Variants in ABCA12 observed in about 807,000 individuals in gnomAD.
The protein encoded by ABCA12 is ATP binding cassette subfamily A member 12, also known as glucosylceramide transporter ABCA12.
In ABCA12, 156 loss-of-function variants were observed where a neutral mutation model predicts 293.5. The ratio of observed to expected loss-of-function variants is 0.53; its 90% CI spans 0.47 to 0.61. The LOEUF (loss-of-function observed/expected upper bound fraction) is 0.61. ABCA12 is among the 20% of genes least tolerant of loss of function. ABCA12 has a pLI of 0.00. For missense variants in ABCA12, 2,797 were observed against 3,090.2 expected (o/e 0.91, Z 2.25); for synonymous variants, 1,063 against 1,108.0 (o/e 0.96, Z 0.81).
At chr2:215,094,351 C>T (rs1402312355) in intron 2 of ABCA12, among the ~76,000 whole-genome samples, 1 of 152,182 alleles carries the variant, frequency 6.6e-6, no homozygotes, top group Non-Finnish European at 1.5e-5. Context: ...GATAAGGTAG[C>T]TAAAGAAGCA....
chr2:215,070,330 G>A (rs1701712015), intron 2 of ABCA12, among the ~76,000 whole-genome samples: 1 of 151,958 alleles, frequency 6.6e-6, no homozygotes, highest in Non-Finnish European at 1.5e-5. Context: ...CACCAAGAAA[G>A]GTGTTAAGTA....
intron 9 of ABCA12, among the ~76,000 whole-genome samples, chr2:215,029,959 A>T (rs1346482735): frequency 6.6e-6 from 1 of 152,240 alleles, no homozygotes; most frequent in Non-Finnish European, 1.5e-5. Flanking sequence ...TTCTGAGCCA[A>T]AATAACTTTT....
At chr2:214,941,090 G>A (rs573995492) in intron 50 of ABCA12, among the ~76,000 whole-genome samples, 1 of 152,228 alleles carries the variant, frequency 6.6e-6, no homozygotes, top group African/African-American at 2.4e-5. Flanking sequence ...ATTTTCTCCT[G>A]TGGACATTTT....
intron 1 of ABCA12, among the ~76,000 whole-genome samples, chr2:215,115,983 G>A (rs1408456087): frequency 1.3e-5 from 2 of 152,168 alleles, no homozygotes; most frequent in Non-Finnish European, 2.9e-5. Flanking sequence ...GCAGGTTGAT[G>A]ATAAAAGTAG....
At chr2:214,972,613 G>T (rs1221160180) in intron 36 of ABCA12, among the ~76,000 whole-genome samples, 1 of 152,004 alleles carries the variant, frequency 6.6e-6, no homozygotes, top group Non-Finnish European at 1.5e-5. Flanking sequence ...TCACTGTGTT[G>T]CCCAAGCTGG....
At chr2:214,954,190 A>G in intron 43 of ABCA12, 83 bp from the exon 44 acceptor site, 2 of 1,438,522 alleles carry the variant, frequency 1.4e-6, no homozygotes, top group Admixed American at 1.9e-5. Flanking sequence ...GGATGTAGAC[A>G]AATAGTGAAA....
intron 37 of ABCA12, among the ~76,000 whole-genome samples, chr2:214,969,100 C>A (rs963893306): frequency 3.3e-5 from 5 of 151,956 alleles, no homozygotes; most frequent in African/African-American, 7.2e-5. Flanking sequence ...ACTTAACTGA[C>A]CCATCTACCA....
intron 1 of ABCA12, among the ~76,000 whole-genome samples, chr2:215,135,525 A>C (rs1052890599): frequency 6.6e-6 from 1 of 152,218 alleles, no homozygotes; most frequent in Non-Finnish European, 1.5e-5. Flanking sequence ...TCCTGTGTCC[A>C]TAGCTTAATT....
intron 50 of ABCA12, among the ~76,000 whole-genome samples, chr2:214,938,311 A>C (rs1217917752): frequency 1.3e-5 from 2 of 151,456 alleles, no homozygotes; most frequent in African/African-American, 2.4e-5. Context: ...GCACATATAC[A>C]CCATAGTATT....
intron 23 of ABCA12, among the ~76,000 whole-genome samples, chr2:214,993,452 A>C (rs2105980130): frequency 6.6e-6 from 1 of 152,308 alleles, no homozygotes; most frequent in South Asian, 2.1e-4. Context: ...CATTTGAAAA[A>C]ATTACTGTGT....
At chr2:215,133,027 T>C (rs1703094464) in intron 1 of ABCA12, among the ~76,000 whole-genome samples, 1 of 151,940 alleles carries the variant, frequency 6.6e-6, no homozygotes, top group African/African-American at 2.4e-5. Context: ...TTTTTTCTTC[T>C]TTAAGGAGGC....
At chr2:215,113,194 A>T (rs564302525) in intron 1 of ABCA12, among the ~76,000 whole-genome samples, 3 of 152,120 alleles carry the variant, frequency 2.0e-5, no homozygotes, top group African/African-American at 7.2e-5. Flanking sequence ...CCTAATCTAC[A>T]TTTGCTACTA....
At chr2:215,129,245 T>C (rs915525076) in intron 1 of ABCA12, among the ~76,000 whole-genome samples, 2 of 152,148 alleles carry the variant, frequency 1.3e-5, no homozygotes, top group Non-Finnish European at 2.9e-5. Context: ...ACTTCCACAG[T>C]TGGGGCACTC....
intron 2 of ABCA12, chr2:215,082,474 A>T (rs1219541866): frequency 6.6e-6 from 1 of 152,072 alleles, no homozygotes; most frequent in Non-Finnish European, 1.5e-5. Context: ...AAACTGAATC[A>T]CATTGTTTAT....
intron 11 of ABCA12, chr2:215,020,582 T>G (rs1273401498): frequency 6.6e-6 from 1 of 152,234 alleles, no homozygotes; most frequent in African/African-American, 2.4e-5. Flanking sequence ...TTTTACAAGA[T>G]GAAATGAGTT....
At chr2:215,072,560 T>C (rs1055666846) in intron 2 of ABCA12, among the ~76,000 whole-genome samples, 1 of 152,166 alleles carries the variant, frequency 6.6e-6, no homozygotes, top group Non-Finnish European at 1.5e-5. Context: ...CCTTCCTGCA[T>C]GTCCAGACCA....
intron 3 of ABCA12, among the ~76,000 whole-genome samples, chr2:215,062,684 C>CCGCATGCAA (rs1553539498): frequency 9.9e-5 from 15 of 151,302 alleles, no homozygotes; most frequent in Non-Finnish European, 1.9e-4. Context: ...TGCTGTTTCT[C>CCGCATGCAA]GGCATGCAAC....
At chr2:215,037,612 C>G (rs16853207) in intron 7 of ABCA12, among the ~76,000 whole-genome samples, 5,318 of 152,080 alleles carry the variant, frequency 0.035, 295 homozygotes, top group African/African-American at 0.12. Context: ...AGGCACTATT[C>G]CAGAGGTAGT....
intron 28 of ABCA12, among the ~76,000 whole-genome samples, chr2:214,985,470 G>A (rs1211633065): frequency 6.6e-6 from 1 of 152,120 alleles, no homozygotes; most frequent in Admixed American, 6.6e-5. Context: ...CTTAATACCT[G>A]AGTGATGAAA....
Sources: allele counts gnomAD v4.1 joint callset (sites outside exome capture counted in the v4.1 genomes callset), GRCh38; gene constraint gnomAD v4.1.1; transcripts MANE v1.5; gene names NCBI Gene and HGNC (gene_info 2026-07-23, HGNC 2026-07-21).